Variants in LINGO2 observed in about 807,000 individuals in gnomAD.
The protein encoded by LINGO2 is leucine-rich repeat and immunoglobulin-like domain-containing nogo receptor-interacting protein 2.
In LINGO2, 14 loss-of-function variants were observed where a neutral mutation model predicts 30.6. That is an observed-to-expected ratio of 0.46 (90% CI 0.30 to 0.72). LINGO2 has a LOEUF of 0.72. Ranked by LOEUF, LINGO2 falls within the 30% of genes least tolerant of loss-of-function variation. LINGO2 has a pLI of 0.07. For missense variants in LINGO2, 729 were observed against 751.7 expected, an observed-to-expected ratio of 0.97 and a Z score of 0.35; for synonymous variants, 317 against 288.5, an observed-to-expected ratio of 1.10 and a Z score of -1.00.
intron 3 of LINGO2, among the ~76,000 whole-genome samples, chr9:28,368,948 C>G (rs1474716589): frequency 6.6e-6 from 1 of 152,138 alleles, no homozygotes; most frequent in East Asian, 1.9e-4. Flanking sequence ...AAGACCAGTA[C>G]TTCTCCAGTT....
chr9:28,497,762 GCT>G (rs905899257), intron 1 of LINGO2, among the ~76,000 whole-genome samples: 17 of 152,212 alleles, frequency 1.1e-4, no homozygotes, highest in South Asian at 6.2e-4. Flanking sequence ...CAGCTTTTCT[GCT>G]CTGTTTTTTC....
intron 3 of LINGO2, among the ~76,000 whole-genome samples, chr9:28,335,431 C>T (rs1054895492): frequency 1.3e-5 from 2 of 152,174 alleles, no homozygotes; most frequent in Non-Finnish European, 1.5e-5. Flanking sequence ...AAAAACATAC[C>T]CAAATTTCAT....
At chr9:28,203,319 C>T (rs752706728) in intron 4 of LINGO2, among the ~76,000 whole-genome samples, 1 of 152,134 alleles carries the variant, frequency 6.6e-6, no homozygotes, top group East Asian at 1.9e-4. Flanking sequence ...TTGTTGCTAA[C>T]AGTCAAGGGA....
chr9:28,106,517 C>T (rs1436983601), intron 4 of LINGO2, among the ~76,000 whole-genome samples: 1 of 152,168 alleles, frequency 6.6e-6, no homozygotes, highest in African/African-American at 2.4e-5. Context: ...TCATGCCTGA[C>T]TGAGAAATTT....
At chr9:29,067,570 G>T in the LINGO2 span, among the ~76,000 whole-genome samples, 1 of 151,402 alleles carries the variant, frequency 6.6e-6, no homozygotes, top group Admixed American at 6.6e-5. Flanking sequence ...AAGGAAAAGT[G>T]AACACGCAAA....
intron 4 of LINGO2, among the ~76,000 whole-genome samples, chr9:28,169,196 C>T (rs1828514391): frequency 1.3e-5 from 2 of 152,162 alleles, no homozygotes; most frequent in Non-Finnish European, 2.9e-5. Context: ...ACTCAATTCA[C>T]TCTCCCACAT....
intron 4 of LINGO2, among the ~76,000 whole-genome samples, chr9:28,248,235 G>A (rs1313191803): frequency 6.6e-6 from 1 of 152,098 alleles, no homozygotes; most frequent in Non-Finnish European, 1.5e-5. Context: ...AAAGGATGGA[G>A]GAAATGTGGT....
intron 1 of LINGO2, among the ~76,000 whole-genome samples, chr9:28,569,726 A>AACAAT (rs1823578160): frequency 6.6e-6 from 1 of 151,988 alleles, no homozygotes; most frequent in African/African-American, 2.4e-5. Flanking sequence ...TACTATAGTT[A>AACAAT]ACAATATCTA....
At chr9:28,127,747 G>A (rs1012798123) in intron 4 of LINGO2, among the ~76,000 whole-genome samples, 1 of 152,160 alleles carries the variant, frequency 6.6e-6, no homozygotes, top group Non-Finnish European at 1.5e-5. Flanking sequence ...GTTATGAACA[G>A]CAATTCCCAG....
At chr9:28,649,345 A>G (rs1827983478) in intron 1 of LINGO2, among the ~76,000 whole-genome samples, 1 of 152,144 alleles carries the variant, frequency 6.6e-6, no homozygotes, top group Middle Eastern at 3.2e-3. Flanking sequence ...CTCCCACTCA[A>G]ACTATTATCT....
the LINGO2 span, among the ~76,000 whole-genome samples, chr9:29,210,264 C>T: frequency 1.3e-5 from 2 of 152,142 alleles, no homozygotes; most frequent in Admixed American, 1.3e-4. Flanking sequence ...ACAAACCAGC[C>T]TCACCAGTTT....
chr9:28,325,362 C>T (rs376689722), intron 3 of LINGO2, among the ~76,000 whole-genome samples: 56 of 152,122 alleles, frequency 3.7e-4, no homozygotes, highest in African/African-American at 1.1e-3. Context: ...AAAGATAGAA[C>T]CCCTATCTCC....
At chr9:29,113,907 A>G in the LINGO2 span, among the ~76,000 whole-genome samples, 2 of 152,128 alleles carry the variant, frequency 1.3e-5, no homozygotes, top group East Asian at 3.9e-4. Flanking sequence ...TGGCCAAAGA[A>G]CAATAACATC....
intron 1 of LINGO2, among the ~76,000 whole-genome samples, chr9:28,589,300 G>A (rs907275595): frequency 5.9e-5 from 9 of 152,044 alleles, no homozygotes; most frequent in African/African-American, 1.9e-4. Flanking sequence ...GTTCTGGCCA[G>A]GGCAGTCAGG....
At chr9:28,712,134 T>C in the LINGO2 span, among the ~76,000 whole-genome samples, 1 of 152,062 alleles carries the variant, frequency 6.6e-6, no homozygotes, top group East Asian at 1.9e-4. Flanking sequence ...TAAAGAATAA[T>C]GCCGGTAGGA....
chr9:28,092,439 C>T (rs1280244507), intron 4 of LINGO2, among the ~76,000 whole-genome samples: 72 of 151,140 alleles, frequency 4.8e-4, no homozygotes, highest in Middle Eastern at 3.4e-3. Context: ...AGCAAACTGT[C>T]GCAAGGACAA....
chr9:28,688,249 T>A, the LINGO2 span, among the ~76,000 whole-genome samples: 3 of 152,302 alleles, frequency 2.0e-5, no homozygotes, highest in East Asian at 5.8e-4. Flanking sequence ...TCTCAGTTCA[T>A]TAGTCCCTTA....
the LINGO2 span, among the ~76,000 whole-genome samples, chr9:29,158,791 A>G: frequency 6.6e-6 from 1 of 152,150 alleles, no homozygotes; most frequent in Non-Finnish European, 1.5e-5. Flanking sequence ...AGAGAGAGAA[A>G]GAGAGAGCAA....
intron 2 of LINGO2, among the ~76,000 whole-genome samples, chr9:28,383,769 G>A (rs1821453088): frequency 6.6e-6 from 1 of 152,008 alleles, no homozygotes; most frequent in African/African-American, 2.4e-5. Context: ...GGAGTTAGTC[G>A]ACCATGTAAT....
Sources: allele counts gnomAD v4.1 joint callset (sites outside exome capture counted in the v4.1 genomes callset), GRCh38; gene constraint gnomAD v4.1.1; transcripts MANE v1.5; gene names NCBI Gene and HGNC (gene_info 2026-07-23, HGNC 2026-07-21).